Variants in LRRC1 observed in about 807,000 individuals in gnomAD.
LRRC1 encodes leucine-rich repeat-containing protein 1.
Under a neutral mutation model 69.9 loss-of-function variants are expected in LRRC1, and 28 were observed. The ratio of observed to expected loss-of-function variants is 0.40; its 90% CI spans 0.30 to 0.55. The LOEUF is 0.55. Ranked by LOEUF, LRRC1 falls within the 20% of genes least tolerant of loss-of-function variation. LRRC1 has a pLI of 0.47. For missense variants in LRRC1, 498 were observed against 609.0 expected, an observed-to-expected ratio of 0.82 and a Z score of 1.92; for synonymous variants, 236 against 240.2, an observed-to-expected ratio of 0.98 and a Z score of 0.16.
chr6:53,921,305 T>G (rs1383207996), intron 13 of LRRC1, among the ~76,000 whole-genome samples: 1 of 152,140 alleles, frequency 6.6e-6, no homozygotes, highest in Admixed American at 6.5e-5. Flanking sequence ...TGGTGCTTCT[T>G]TTTCTTTATT....
At chr6:53,878,476 A>T (rs1767148232) in intron 2 of LRRC1, among the ~76,000 whole-genome samples, 1 of 152,248 alleles carries the variant, frequency 6.6e-6, no homozygotes, top group Non-Finnish European at 1.5e-5. Flanking sequence ...ATCATCAGGC[A>T]TTAGATTCTC....
chr6:53,874,785 C>T (rs1323553280), intron 2 of LRRC1, among the ~76,000 whole-genome samples: 1 of 152,026 alleles, frequency 6.6e-6, no homozygotes, highest in African/African-American at 2.4e-5. Context: ...TTAATATGTC[C>T]AAAATAAATG....
intron 2 of LRRC1, among the ~76,000 whole-genome samples, chr6:53,846,277 A>C (rs1019058814): frequency 6.6e-6 from 1 of 152,248 alleles, no homozygotes; most frequent in Non-Finnish European, 1.5e-5. Context: ...AGTTTAGGGA[A>C]AAAGAGGGCA....
intron 1 of LRRC1, among the ~76,000 whole-genome samples, chr6:53,840,915 TGTGTGTGTGTGTGC>T (rs1765764551): frequency 1.4e-5 from 2 of 145,300 alleles, no homozygotes; most frequent in South Asian, 2.2e-4. Context: ...TGTGTGTGTG[TGTGTGTGTGTGTGC>T]GTGCGCGCAC....
Position 53,805,731 on chromosome 6 carries a change from A to C in LRRC1, c.159+10316A>C, listed in dbSNP as rs540960271. Among the ~76,000 whole-genome samples, 18 of 152,350 alleles carry C rather than the reference A, an allele frequency of 1.2e-4. No individual in the cohort carries two copies. The South Asian group carries it at 3.7e-3, about 32-fold the overall frequency. Reference sequence around the variant, plus strand: ...ATCTGGGAGATAGAATGTACCCACTACAGTCTGATCATTGTTATCAATACT... The same window carrying C: ...ATCTGGGAGATAGAATGTACCCACTCCAGTCTGATCATTGTTATCAATACT... On this transcript the variant is annotated intron_variant, in intron 1 of 13. Coordinates refer to ENST00000370888, the MANE Select transcript of LRRC1 (RefSeq NM_018214.5).
intron 1 of LRRC1, among the ~76,000 whole-genome samples, chr6:53,840,497 G>C (rs1238764483): frequency 6.6e-6 from 1 of 151,656 alleles, no homozygotes; most frequent in African/African-American, 2.4e-5. Flanking sequence ...TCGCATGGTG[G>C]GCCCTCTCAA....
chr6:53,846,620 T>C (rs926656634), intron 2 of LRRC1, among the ~76,000 whole-genome samples: 1 of 152,078 alleles, frequency 6.6e-6, no homozygotes, highest in African/African-American at 2.4e-5. Context: ...GTCTAAAACA[T>C]ATATGAGAAA....
At chr6:53,860,952 G>T (rs1280367481) in intron 2 of LRRC1, among the ~76,000 whole-genome samples, 1 of 152,114 alleles carries the variant, frequency 6.6e-6, no homozygotes, top group Non-Finnish European at 1.5e-5. Context: ...GATAATGCAG[G>T]TTCTCACTTA....
At chr6:53,856,266 A>G (rs745568881) in intron 2 of LRRC1, among the ~76,000 whole-genome samples, 12 of 152,212 alleles carry the variant, frequency 7.9e-5, no homozygotes, top group Middle Eastern at 3.2e-3. Context: ...AGTGCCATGA[A>G]TTTGGGTTCT....
At chr6:53,873,472 T>TG (rs1766965561) in intron 2 of LRRC1, among the ~76,000 whole-genome samples, 1 of 150,796 alleles carries the variant, frequency 6.6e-6, no homozygotes, top group South Asian at 2.1e-4. Flanking sequence ...TTTTTTTTTT[T>TG]GTATTTTTAG....
intron 2 of LRRC1, among the ~76,000 whole-genome samples, chr6:53,863,840 A>G (rs1766609327): frequency 6.6e-6 from 1 of 152,190 alleles, no homozygotes; most frequent in Admixed American, 6.5e-5. Context: ...AAAGATTTCA[A>G]CCCACTAGTC....
intron 1 of LRRC1, among the ~76,000 whole-genome samples, chr6:53,822,919 T>C (rs985430487): frequency 3.9e-5 from 6 of 152,188 alleles, no homozygotes; most frequent in African/African-American, 7.2e-5. Flanking sequence ...CCCTCCCGCG[T>C]CCTGGAAAGG....
chr6:53,833,752 G>A (rs1207531748), intron 1 of LRRC1, among the ~76,000 whole-genome samples: 1 of 152,022 alleles, frequency 6.6e-6, no homozygotes, highest in East Asian at 1.9e-4. Context: ...TTTGTCTTCT[G>A]GGCAAATAGA....
At chr6:53,891,254 C>T (rs1040714653) in intron 4 of LRRC1, among the ~76,000 whole-genome samples, 4 of 151,844 alleles carry the variant, frequency 2.6e-5, no homozygotes, top group African/African-American at 9.7e-5. Flanking sequence ...GATAGAAAGT[C>T]ATGTTTTTTT....
rs1474166869 is a variant in LRRC1 at position 53,923,360 on chromosome 6, AT to A, written c.*570del. On this transcript the variant is annotated 3_prime_UTR_variant, in exon 14 of 14. Coordinates refer to ENST00000370888, the MANE Select transcript of LRRC1 (RefSeq NM_018214.5). ...TGTGCAGAAAAACAAGTCCTAAAGTATTTGTTTTTATTTGTACCATCCACTT... is the reference window on the plus strand; with the variant it reads ...TGTGCAGAAAAACAAGTCCTAAAGTATTGTTTTTATTTGTACCATCCACTT... 6.6e-6 allele frequency: 1 copy of A among 152,650 alleles called. No homozygotes were observed. The highest frequency in any genetic ancestry group is 1.5e-5 in the Non-Finnish European group (1 of 68,058). The allele number at this position is 152,650 out of a possible 1,614,324, so 9.5% of individuals were successfully genotyped here.
At chr6:53,828,279 T>C (rs1765330991) in intron 1 of LRRC1, among the ~76,000 whole-genome samples, 1 of 152,204 alleles carries the variant, frequency 6.6e-6, no homozygotes, top group African/African-American at 2.4e-5. Context: ...AGAGATCTAG[T>C]TGAGTTCATT....
chr6:53,855,550 A>C (rs1766282994), intron 2 of LRRC1, among the ~76,000 whole-genome samples: 1 of 152,166 alleles, frequency 6.6e-6, no homozygotes, highest in South Asian at 2.1e-4. Flanking sequence ...CACCTCGGGG[A>C]CCTGAGGGAG....
intron 5 of LRRC1, 79 bp downstream of exon 5, chr6:53,896,633 C>T: frequency 3.0e-6 from 4 of 1,338,716 alleles, no homozygotes; most frequent in Admixed American, 1.8e-5. Flanking sequence ...TACAGTATTA[C>T]GTGAAAACAT....
At chr6:53,807,046 A>T (rs1214518569) in intron 1 of LRRC1, among the ~76,000 whole-genome samples, 1 of 152,138 alleles carries the variant, frequency 6.6e-6, no homozygotes, top group African/African-American at 2.4e-5. Flanking sequence ...TACCTGAGAG[A>T]TTGTATTTTG....
Sources: gnomAD v4.1 joint callset for allele counts (sites outside exome capture counted in the v4.1 genomes callset) on GRCh38, gnomAD v4.1.1 for gene constraint, MANE v1.5 for transcripts, NCBI Gene and HGNC (gene_info 2026-07-23, HGNC 2026-07-21) for gene names.